Variants in MAF observed in about 807,000 individuals in gnomAD.
MAF encodes the protein transcription factor Maf.
A neutral mutation model predicts 22.0 loss-of-function variants in MAF; 10 were observed. The observed-to-expected ratio is 0.45, with a 90% CI of 0.28 to 0.77. MAF has a LOEUF of 0.77. Ranked by LOEUF, MAF falls within the 30% of genes least tolerant of loss-of-function variation. MAF has a pLI of 0.12. For synonymous variants in MAF, 337 were observed against 255.8 expected, an observed-to-expected ratio of 1.32 and a Z score of -3.03; for missense variants, 544 against 548.4, an observed-to-expected ratio of 0.99 and a Z score of 0.08.
chr16:79,483,323 CTG>C, the MAF span, among the ~76,000 whole-genome samples: 647 of 134,724 alleles, frequency 4.8e-3, 5 homozygotes, highest in Admixed American at 8.9e-3. Flanking sequence ...TGAACAAACA[CTG>C]TGTGAGGAAA....
At chr16:79,357,288 CA>C in the MAF span, among the ~76,000 whole-genome samples, 6 of 133,578 alleles carry the variant, frequency 4.5e-5, no homozygotes, top group African/African-American at 2.1e-4. Context: ...ACAACAACAA[CA>C]ACAACAACAA....
At chr16:79,521,752 T>C in the MAF span, among the ~76,000 whole-genome samples, 8 of 152,218 alleles carry the variant, frequency 5.3e-5, no homozygotes, top group Non-Finnish European at 8.8e-5. Context: ...CTGATTTCAA[T>C]AGGACAGCTC....
chr16:79,518,724 C>G, the MAF span, among the ~76,000 whole-genome samples: 1 of 152,092 alleles, frequency 6.6e-6, no homozygotes, highest in Admixed American at 6.6e-5. Flanking sequence ...TACCTCAGGT[C>G]GGAAGTTCAA....
intron 1 of MAF, chr16:79,596,480 C>CAA (rs560620015): frequency 4.8e-6 from 5 of 1,036,550 alleles, no homozygotes; most frequent in Non-Finnish European, 3.5e-6. Context: ...AGTACAGAAT[C>CAA]AAAAAAAAAT....
chr16:79,564,376 G>A, the MAF span, among the ~76,000 whole-genome samples: 1 of 152,228 alleles, frequency 6.6e-6, no homozygotes, highest in Admixed American at 6.5e-5. Context: ...GAAAAGTGAG[G>A]AATCAGTTTA....
At chr16:79,262,208 A>C in the MAF span, among the ~76,000 whole-genome samples, 2,793 of 152,218 alleles carry the variant, frequency 0.018, 89 homozygotes, top group African/African-American at 0.065. Flanking sequence ...ATGAGGCCTC[A>C]GAGGTTTGGG....
the MAF span, among the ~76,000 whole-genome samples, chr16:79,428,054 T>G: frequency 3.1e-4 from 42 of 134,618 alleles, 1 homozygote; most frequent in East Asian, 9.5e-3. Context: ...ATCGCGCCAC[T>G]GCACTCTAGC....
the MAF span, among the ~76,000 whole-genome samples, chr16:79,480,994 G>A: frequency 2.0e-4 from 31 of 152,086 alleles, no homozygotes; most frequent in African/African-American, 5.3e-4. Context: ...ACGTCCCCTC[G>A]CTCCACTTTA....
At chr16:79,335,196 A>AG in the MAF span, among the ~76,000 whole-genome samples, 3 of 151,816 alleles carry the variant, frequency 2.0e-5, no homozygotes, top group East Asian at 1.9e-4. Flanking sequence ...AAAAAAAAAA[A>AG]AAAGAAAGAA....
the MAF span, among the ~76,000 whole-genome samples, chr16:79,229,140 C>A: frequency 6.6e-6 from 1 of 151,650 alleles, no homozygotes; most frequent in Non-Finnish European, 1.5e-5. Flanking sequence ...AACATAGACC[C>A]CCCCCAACAC....
At chr16:79,333,110 G>C in the MAF span, among the ~76,000 whole-genome samples, 1 of 152,194 alleles carries the variant, frequency 6.6e-6, no homozygotes, top group African/African-American at 2.4e-5. Context: ...TCCCATCTCA[G>C]CGGGAGATGG....
At chr16:79,411,631 C>G in the MAF span, among the ~76,000 whole-genome samples, 6 of 152,206 alleles carry the variant, frequency 3.9e-5, no homozygotes, top group African/African-American at 1.2e-4. Context: ...CAAGTCATTA[C>G]AAGATTTAGC....
chr16:79,306,421 A>C, the MAF span, among the ~76,000 whole-genome samples: 5 of 152,236 alleles, frequency 3.3e-5, no homozygotes, highest in Non-Finnish European at 7.3e-5. Context: ...GGTTTAGTGT[A>C]GGTTTTTAAG....
the MAF span, among the ~76,000 whole-genome samples, chr16:79,385,256 C>G: frequency 1.1e-4 from 17 of 152,222 alleles, no homozygotes; most frequent in East Asian, 1.2e-3. Flanking sequence ...AGCTAACTTG[C>G]CAATATGTAT....
At chr16:79,578,146 C>T in the MAF span, among the ~76,000 whole-genome samples, 1 of 152,148 alleles carries the variant, frequency 6.6e-6, no homozygotes, top group East Asian at 1.9e-4. Context: ...TTAAAATGAT[C>T]ACTTTTTTAA....
At chr16:79,447,106 C>G in the MAF span, among the ~76,000 whole-genome samples, 2 of 151,992 alleles carry the variant, frequency 1.3e-5, no homozygotes, top group Non-Finnish European at 2.9e-5. Context: ...TACAAAGTGA[C>G]AACATGGGTG....
the MAF span, among the ~76,000 whole-genome samples, chr16:79,359,119 C>T: frequency 2.6e-5 from 4 of 152,190 alleles, no homozygotes; most frequent in African/African-American, 9.7e-5. Flanking sequence ...CTATAACATG[C>T]CCCCAGATTC....
chr16:79,393,955 G>T, the MAF span, among the ~76,000 whole-genome samples: 1 of 152,168 alleles, frequency 6.6e-6, no homozygotes, highest in Non-Finnish European at 1.5e-5. Flanking sequence ...ACAGTGCAAA[G>T]AACATTGTAT....
the MAF span, among the ~76,000 whole-genome samples, chr16:79,337,118 C>T: frequency 1.2e-4 from 18 of 152,142 alleles, no homozygotes; most frequent in African/African-American, 3.1e-4. Flanking sequence ...GACTGGTCGC[C>T]GCACAGCACT....
Sources: gnomAD v4.1 joint callset for allele counts (sites outside exome capture counted in the v4.1 genomes callset) on GRCh38, gnomAD v4.1.1 for gene constraint, MANE v1.5 for transcripts, NCBI Gene and HGNC (gene_info 2026-07-23, HGNC 2026-07-21) for gene names.